Variants in PVT1 observed in about 807,000 individuals in gnomAD.
PVT1 encodes the protein CXCR4/PVT1 fusion.
At chr8:128,015,294 T>C (rs534170454) in intron 4 of PVT1, among the ~76,000 whole-genome samples, 99 of 152,124 alleles carry the variant, frequency 6.5e-4, no homozygotes, top group Admixed American at 1.1e-3. Context: ...TTCACTATGT[T>C]GACCAGGCTG....
intron 4 of PVT1, among the ~76,000 whole-genome samples, chr8:128,011,971 T>C (rs764128118): frequency 2.6e-5 from 4 of 152,210 alleles, no homozygotes; most frequent in Non-Finnish European, 5.9e-5. Context: ...ATCCAAGCAT[T>C]GCACTGTGAT....
At chr8:128,058,025 A>T (rs575015730) in intron 4 of PVT1, among the ~76,000 whole-genome samples, 2 of 152,226 alleles carry the variant, frequency 1.3e-5, no homozygotes, top group South Asian at 2.1e-4. Context: ...TGGACCCTTC[A>T]TCAGGAGCTG....
At chr8:127,947,608 A>C in intron 3 of PVT1, 1 of 426,982 alleles carries the variant, frequency 2.3e-6, no homozygotes, top group South Asian at 1.7e-5. Flanking sequence ...TGAAAGAGTC[A>C]GGCAGAGTCT....
chr8:127,848,841 G>A (rs907565629), intron 2 of PVT1, among the ~76,000 whole-genome samples: 1 of 152,326 alleles, frequency 6.6e-6, no homozygotes, highest in Non-Finnish European at 1.5e-5. Context: ...CAGAGGACAT[G>A]ATGCTTGCAT....
chr8:127,956,022 A>G (rs1325247783), intron 3 of PVT1, among the ~76,000 whole-genome samples: 1 of 152,278 alleles, frequency 6.6e-6, no homozygotes, highest in South Asian at 2.1e-4. Flanking sequence ...TTTGCCTGTC[A>G]TACTGTACCA....
At chr8:127,942,469 T>C (rs1041923452) in intron 3 of PVT1, among the ~76,000 whole-genome samples, 1 of 152,166 alleles carries the variant, frequency 6.6e-6, no homozygotes, top group Non-Finnish European at 1.5e-5. Context: ...TCTTCATGCA[T>C]TGAAACTGAT....
At chr8:127,831,524 A>G (rs1306853706) in intron 2 of PVT1, among the ~76,000 whole-genome samples, 1 of 152,160 alleles carries the variant, frequency 6.6e-6, no homozygotes, top group Non-Finnish European at 1.5e-5. Flanking sequence ...AGCATTTGGA[A>G]GATTTTGGCA....
intron 4 of PVT1, among the ~76,000 whole-genome samples, chr8:128,005,217 T>C (rs1309997435): frequency 1.3e-5 from 2 of 152,220 alleles, no homozygotes; most frequent in African/African-American, 4.8e-5. Context: ...ACTACTACAT[T>C]TGTATTGTCT....
At chr8:127,985,085 G>A (rs1816949586) in intron 3 of PVT1, among the ~76,000 whole-genome samples, 1 of 145,656 alleles carries the variant, frequency 6.9e-6, no homozygotes, top group Non-Finnish European at 1.5e-5. Flanking sequence ...CGAGGCTGGA[G>A]TGTAGTGGCG....
At chr8:127,873,973 C>A (rs1427191326) in intron 2 of PVT1, among the ~76,000 whole-genome samples, 2 of 152,222 alleles carry the variant, frequency 1.3e-5, no homozygotes, top group Non-Finnish European at 2.9e-5. Context: ...TGCCAAGCAG[C>A]CAAGCACCCT....
At chr8:127,819,547 G>A (rs1171331688) in intron 2 of PVT1, among the ~76,000 whole-genome samples, 1 of 152,198 alleles carries the variant, frequency 6.6e-6, no homozygotes, top group African/African-American at 2.4e-5. Flanking sequence ...CTCTCTATGT[G>A]TCCTAACTGG....
At chr8:127,840,049 G>A (rs1814955690) in intron 2 of PVT1, among the ~76,000 whole-genome samples, 1 of 152,312 alleles carries the variant, frequency 6.6e-6, no homozygotes, top group Non-Finnish European at 1.5e-5. Flanking sequence ...GGGAGGGAGG[G>A]GAACTAGAGA....
intron 2 of PVT1, among the ~76,000 whole-genome samples, chr8:127,842,045 T>C (rs1168081067): frequency 6.6e-6 from 1 of 150,992 alleles, no homozygotes; most frequent in Non-Finnish European, 1.5e-5. Flanking sequence ...TTTAAAATTA[T>C]TATTTATTTA....
At chr8:127,990,966 G>A (rs1586470614) in intron 4 of PVT1, among the ~76,000 whole-genome samples, 3 of 147,320 alleles carry the variant, frequency 2.0e-5, no homozygotes, top group Admixed American at 2.0e-4. Flanking sequence ...CTGAGCTGCT[G>A]TTTAGTAATT....
intron 3 of PVT1, among the ~76,000 whole-genome samples, chr8:127,927,542 G>A (rs927629721): frequency 3.3e-5 from 5 of 152,184 alleles, no homozygotes; most frequent in Non-Finnish European, 7.3e-5. Context: ...ACTGCTTGCT[G>A]CATGGTCCAG....
At chr8:127,952,852 C>T (rs561145387) in intron 3 of PVT1, among the ~76,000 whole-genome samples, 78 of 152,076 alleles carry the variant, frequency 5.1e-4, no homozygotes, top group South Asian at 1.9e-3. Flanking sequence ...GCAACCTCCA[C>T]CTCCCAGGTT....
At chr8:128,088,360 A>G (rs1814285228) in intron 5 of PVT1, among the ~76,000 whole-genome samples, 1 of 152,154 alleles carries the variant, frequency 6.6e-6, no homozygotes, top group African/African-American at 2.4e-5. Flanking sequence ...TCAGGGCTTC[A>G]GCAATGTCCT....
intron 2 of PVT1, among the ~76,000 whole-genome samples, chr8:127,857,892 G>T (rs1815178501): frequency 6.6e-6 from 1 of 152,188 alleles, no homozygotes; most frequent in South Asian, 2.1e-4. Flanking sequence ...GTCTTCAAAT[G>T]AGTCTTCAAA....
At chr8:127,997,504 C>T (rs965617332) in intron 4 of PVT1, among the ~76,000 whole-genome samples, 8 of 152,124 alleles carry the variant, frequency 5.3e-5, no homozygotes, top group Non-Finnish European at 1.0e-4. Flanking sequence ...AGATAGTCAC[C>T]GTGTGGAGCA....
Sources: gnomAD v4.1 joint callset for allele counts (sites outside exome capture counted in the v4.1 genomes callset) on GRCh38, gnomAD v4.1.1 for gene constraint, MANE v1.5 for transcripts, NCBI Gene and HGNC (gene_info 2026-07-23, HGNC 2026-07-21) for gene names.